Variants in NFATC2 observed in about 807,000 individuals in gnomAD.
The protein encoded by NFATC2 is nuclear factor of activated T-cells, cytoplasmic 2.
Under a neutral mutation model 87.3 loss-of-function variants are expected in NFATC2, and 22 were observed. The ratio of observed to expected loss-of-function variants is 0.25; its 90% confidence interval spans 0.18 to 0.36. The LOEUF is 0.36. NFATC2 is among the 10% of genes least tolerant of loss of function. NFATC2 has a pLI of 1.00. For synonymous variants in NFATC2, 565 were observed against 542.2 expected (o/e 1.04, Z -0.58); for missense variants, 1,149 against 1,259.1 (o/e 0.91, Z 1.32).
intron 3 of NFATC2, among the ~76,000 whole-genome samples, chr20:51,506,725 G>A (rs770427950): frequency 1.4e-4 from 19 of 140,692 alleles, no homozygotes; most frequent in African/African-American, 4.4e-4. Flanking sequence ...CTCGGCCTGC[G>A]GACGGGTTGC....
intron 10 of NFATC2, among the ~76,000 whole-genome samples, chr20:51,392,987 T>C (rs1028120285): frequency 6.6e-6 from 1 of 152,254 alleles, no homozygotes; most frequent in Admixed American, 6.5e-5. Context: ...TCATAGCACA[T>C]ACCTTTTCAG....
At chr20:51,536,068 G>A (rs770810444) in intron 1 of NFATC2, among the ~76,000 whole-genome samples, 8 of 152,182 alleles carry the variant, frequency 5.3e-5, no homozygotes, top group Non-Finnish European at 1.0e-4. Flanking sequence ...ACCATCCACC[G>A]GGATGGAGAA....
intron 10 of NFATC2, among the ~76,000 whole-genome samples, chr20:51,398,074 A>G (rs1473187400): frequency 6.6e-6 from 1 of 151,948 alleles, no homozygotes; most frequent in Non-Finnish European, 1.5e-5. Flanking sequence ...CTCAGTTCCA[A>G]GGGGCTGATT....
At chr20:51,490,866 T>C (rs903236077) in intron 3 of NFATC2, among the ~76,000 whole-genome samples, 5 of 152,188 alleles carry the variant, frequency 3.3e-5, no homozygotes, top group African/African-American at 1.2e-4. Context: ...CAGGGAACCA[T>C]GGTTTGCAGA....
chr20:51,544,852 A>G (rs778103581), upstream of NFATC2, among the ~76,000 whole-genome samples: 3 of 152,188 alleles, frequency 2.0e-5, no homozygotes, highest in Non-Finnish European at 4.4e-5. Flanking sequence ...TTTAGACTCA[A>G]ACTCTACTGC....
intron 1 of NFATC2, among the ~76,000 whole-genome samples, chr20:51,557,778 T>C (rs2076990944): frequency 6.6e-6 from 1 of 152,144 alleles, no homozygotes; most frequent in African/African-American, 2.4e-5. Context: ...CATCCATCCA[T>C]TTAACCAAAA....
At chr20:51,506,463 G>A (rs77793604) in intron 3 of NFATC2, among the ~76,000 whole-genome samples, 6,909 of 152,028 alleles carry the variant, frequency 0.045, 373 homozygotes, top group African/African-American at 0.13. Flanking sequence ...ACAGAGCCCC[G>A]TGAGAAGCCA....
intron 9 of NFATC2, among the ~76,000 whole-genome samples, chr20:51,412,996 G>GC (rs56307156): frequency 0.029 from 2,458 of 85,902 alleles, 131 homozygotes; most frequent in African/African-American, 0.11. Context: ...CGCTCCCGCC[G>GC]CCCCCCCCCC....
intron 3 of NFATC2, among the ~76,000 whole-genome samples, chr20:51,492,277 C>T (rs1600861495): frequency 6.6e-6 from 1 of 151,884 alleles, no homozygotes; most frequent in African/African-American, 2.4e-5. Flanking sequence ...CACCGAGCCC[C>T]GCCGCACCCC....
intron 10 of NFATC2, among the ~76,000 whole-genome samples, chr20:51,393,154 GA>G (rs1420146824): frequency 7.2e-5 from 11 of 152,300 alleles, no homozygotes; most frequent in African/African-American, 2.6e-4. Flanking sequence ...TTTTGTGCCA[GA>G]ACATCAGGCA....
Position 51,432,193 on chromosome 20 carries a change from G to A in NFATC2, c.2596C>T (p.Gln866Ter). The A allele has an allele frequency of 6.2e-7, 1 of 1,610,688 alleles. No homozygotes were observed. Among genetic ancestry groups the A allele is most frequent in the Non-Finnish European group, 8.5e-7 (1 of 1,177,424 alleles). Reference sequence around the variant, plus strand: ...GCTCTTTGGCTCGTGGCATTCTGCTGCTGAATGACTGTGGGGTAGGAACCC... The same window carrying A: ...GCTCTTTGGCTCGTGGCATTCTGCTACTGAATGACTGTGGGGTAGGAACCC... ...SPGSYPTVIQ[Q>*]QNATSQRAAK... The change falls in exon 9 of 11, where the codon CAG (glutamine) becomes TAG (stop). Residue 866 changes from glutamine to a stop codon, truncating the protein, a stop_gained. Coordinates refer to ENST00000371564, the MANE Select transcript of NFATC2 (RefSeq NM_012340.5). LOFTEE classifies it high-confidence loss of function. This position sits in a 1 kb window ranked among gnomAD's most constrained non-coding sequence, Gnocchi z 4.6.
intron 1 of NFATC2, among the ~76,000 whole-genome samples, chr20:51,550,969 C>A (rs2076928144): frequency 2.0e-5 from 3 of 152,200 alleles, no homozygotes; most frequent in Admixed American, 2.0e-4. Flanking sequence ...GTCCTAACAA[C>A]CTCCCATTAT....
chr20:51,557,380 G>A (rs1041394942), intron 1 of NFATC2, among the ~76,000 whole-genome samples: 2 of 152,206 alleles, frequency 1.3e-5, no homozygotes, highest in Non-Finnish European at 2.9e-5. Flanking sequence ...CTATCTCCCT[G>A]TACAAAATGG....
At chr20:51,404,441 C>A (rs1418013409) in intron 9 of NFATC2, among the ~76,000 whole-genome samples, 1 of 152,234 alleles carries the variant, frequency 6.6e-6, no homozygotes, top group Non-Finnish European at 1.5e-5. Flanking sequence ...GAACTCTGTA[C>A]CACATTACTT....
At chr20:51,414,436 C>T (rs565700074) in intron 9 of NFATC2, among the ~76,000 whole-genome samples, 8 of 152,278 alleles carry the variant, frequency 5.3e-5, no homozygotes, top group African/African-American at 1.9e-4. Flanking sequence ...CGCCTGTAAT[C>T]CCAGCACTTT....
chr20:51,547,020 G>T (rs1361128015), upstream of NFATC2, among the ~76,000 whole-genome samples: 1 of 152,164 alleles, frequency 6.6e-6, no homozygotes, highest in Non-Finnish European at 1.5e-5. Flanking sequence ...CAGGCTGGGA[G>T]GTAAGTGGGG....
intron 2 of NFATC2, among the ~76,000 whole-genome samples, chr20:51,520,439 T>C (rs1401641428): frequency 2.7e-5 from 4 of 150,368 alleles, no homozygotes; most frequent in African/African-American, 9.7e-5. Flanking sequence ...GGATTTTCTT[T>C]TTTTTTTTTT....
At chr20:51,494,199 C>T (rs1014979122) in intron 3 of NFATC2, among the ~76,000 whole-genome samples, 1 of 152,024 alleles carries the variant, frequency 6.6e-6, no homozygotes, top group African/African-American at 2.4e-5. Flanking sequence ...CCCCAGTGCT[C>T]CCCTCCTTCT....
chr20:51,492,837 C>T (rs971343114), intron 3 of NFATC2, among the ~76,000 whole-genome samples: 2 of 152,192 alleles, frequency 1.3e-5, no homozygotes, highest in Non-Finnish European at 1.5e-5. Context: ...TCCAAGTGAG[C>T]GCCGGCCGGG....
Sources: gnomAD v4.1 joint callset for allele counts (sites outside exome capture counted in the v4.1 genomes callset) on GRCh38, gnomAD v4.1.1 for gene constraint, Gnocchi (gnomAD v3.1) non-coding constraint, MANE v1.5 for transcripts, NCBI Gene and HGNC (gene_info 2026-07-23, HGNC 2026-07-21) for gene names.